PPP6C: variants seen among roughly 807,000 people sequenced by gnomAD.
PPP6C encodes the protein protein phosphatase 6 catalytic subunit.
Under a neutral mutation model 39.8 loss-of-function variants are expected in PPP6C, and 11 were observed. That is an observed-to-expected ratio of 0.28 (90% CI 0.17 to 0.46). The LOEUF (loss-of-function observed/expected upper bound fraction) is 0.46. Ranked by LOEUF, PPP6C falls within the 20% of genes least tolerant of loss-of-function variation. The pLI is 1.00. For synonymous variants in PPP6C, 129 were observed against 130.3 expected, an observed-to-expected ratio of 0.99 and a Z score of 0.07; for missense variants, 211 against 373.9, an observed-to-expected ratio of 0.56 and a Z score of 3.59.
intron 5 of PPP6C, 50 bp downstream of exon 5, chr9:125,153,856 A>C (rs371556715): frequency 3.0e-5 from 46 of 1,533,278 alleles, no homozygotes; most frequent in Non-Finnish European, 4.0e-5. Flanking sequence ...AAAAATATGC[A>C]ATGTGTTATT....
At chr9:125,167,838 G>A (rs944218079) in intron 2 of PPP6C, among the ~76,000 whole-genome samples, 4 of 136,938 alleles carry the variant, frequency 2.9e-5, no homozygotes, top group South Asian at 2.6e-4. Context: ...ATGGGGGGGG[G>A]GGGGGGGGGT....
intron 1 of PPP6C, among the ~76,000 whole-genome samples, chr9:125,186,612 T>C (rs929810587): frequency 2.0e-5 from 3 of 151,670 alleles, no homozygotes; most frequent in Non-Finnish European, 4.4e-5. Context: ...TAGCTGGTCA[T>C]GGGGGCATGT....
intron 6 of PPP6C, among the ~76,000 whole-genome samples, chr9:125,152,887 G>A (rs976849553): frequency 1.3e-5 from 2 of 149,752 alleles, no homozygotes; most frequent in Non-Finnish European, 3.0e-5. Flanking sequence ...TAAAGTGTCT[G>A]TATCTGTGTG....
At chr9:125,150,018 G>A in intron 6 of PPP6C, 97 bp from the exon 7 acceptor site, 1 of 1,415,216 alleles carries the variant, frequency 7.1e-7, no homozygotes, top group South Asian at 1.4e-5. Context: ...TACTACTAAA[G>A]GCATCAAGAT....
intron 1 of PPP6C, among the ~76,000 whole-genome samples, chr9:125,174,320 G>A (rs1447212339): frequency 2.0e-5 from 3 of 152,048 alleles, no homozygotes; most frequent in Non-Finnish European, 4.4e-5. Flanking sequence ...GGAGTGGGAG[G>A]GGGGAAAAAA....
Position 125,148,939 on chromosome 9 carries a change from A to G in PPP6C, c.*734T>C, listed in dbSNP as rs1564143833. ...AGAACTCTGATTAGGAAAAAAGAAAAGATAACTTTACGCTAACAATGTAAG... is the reference window on the plus strand; with the variant it reads ...AGAACTCTGATTAGGAAAAAAGAAAGGATAACTTTACGCTAACAATGTAAG... On this transcript the variant is annotated 3_prime_UTR_variant, in exon 7 of 7. Coordinates refer to ENST00000373547, the MANE Select transcript of PPP6C (RefSeq NM_002721.5). The G allele has an allele frequency of 1.3e-5, 2 of 152,072 alleles. No homozygotes were observed. Among genetic ancestry groups the G allele is most frequent in the Non-Finnish European group, 2.9e-5 (2 of 68,034 alleles). 9.4% of individuals were successfully genotyped at this position (152,072 alleles called of 1,614,324 possible). A position where few individuals can be genotyped will look rare whatever the true frequency, so the allele number is the denominator to read the frequency against.
At chr9:125,188,818 A>AATAATAATAAT (rs535765750) in intron 1 of PPP6C, 28 of 423,804 alleles carry the variant, frequency 6.6e-5, no homozygotes, top group Middle Eastern at 8.1e-4. Flanking sequence ...TAATAATAAT[A>AATAATAATAAT]ATTAAAAAGT....
At chr9:125,186,934 C>CT (rs1829542394) in intron 1 of PPP6C, among the ~76,000 whole-genome samples, 1 of 104,202 alleles carries the variant, frequency 9.6e-6, no homozygotes, top group African/African-American at 3.8e-5. Context: ...ACAGATTTTT[C>CT]TTTCTTTTTT....
At chr9:125,159,396 G>A (rs2131308541) in intron 3 of PPP6C, among the ~76,000 whole-genome samples, 1 of 148,452 alleles carries the variant, frequency 6.7e-6, no homozygotes, top group South Asian at 2.1e-4. Flanking sequence ...TTTTAGAGAT[G>A]GGGTCTCACT....
intron 6 of PPP6C, chr9:125,151,517 A>G (rs1409149657): frequency 1.0e-5 from 8 of 797,404 alleles, no homozygotes; most frequent in Non-Finnish European, 1.8e-5. Flanking sequence ...CATCTCTATG[A>G]GCCTTGCAGA....
intron 1 of PPP6C, among the ~76,000 whole-genome samples, chr9:125,173,359 T>C (rs866721728): frequency 7.0e-6 from 1 of 142,816 alleles, no homozygotes; most frequent in Admixed American, 7.4e-5. Context: ...TGAGCCGAGA[T>C]TGCACCCATT....
intron 3 of PPP6C, among the ~76,000 whole-genome samples, chr9:125,159,054 T>TC (rs1164560914): frequency 2.7e-5 from 4 of 150,736 alleles, no homozygotes; most frequent in Non-Finnish European, 5.9e-5. Context: ...TTTTTTTTTT[T>TC]TTAGATGGAG....
chr9:125,150,376 G>A (rs2131294497), intron 6 of PPP6C, among the ~76,000 whole-genome samples: 1 of 151,834 alleles, frequency 6.6e-6, no homozygotes, highest in South Asian at 2.1e-4. Context: ...TCAGAATCTA[G>A]TTTTTTGACT....
At chr9:125,159,714 T>C (rs1299657409) in intron 3 of PPP6C, among the ~76,000 whole-genome samples, 1 of 152,096 alleles carries the variant, frequency 6.6e-6, no homozygotes, top group Non-Finnish European at 1.5e-5. Flanking sequence ...GGAAAACAGC[T>C]GAAAGAATAG....
intron 2 of PPP6C, among the ~76,000 whole-genome samples, chr9:125,163,826 T>C (rs1244728802): frequency 1.3e-5 from 2 of 152,110 alleles, no homozygotes; most frequent in African/African-American, 2.4e-5. Context: ...TAGGTTCCCA[T>C]TTCCCGAGAA....
intron 1 of PPP6C, among the ~76,000 whole-genome samples, chr9:125,185,543 A>C (rs1435456180): frequency 4.6e-5 from 7 of 151,298 alleles, no homozygotes; most frequent in Admixed American, 4.6e-4. Context: ...AAAATACAAA[A>C]ATTAGCCAGG....
At chr9:125,187,148 T>C (rs568846844) in intron 1 of PPP6C, among the ~76,000 whole-genome samples, 4 of 151,652 alleles carry the variant, frequency 2.6e-5, no homozygotes, top group South Asian at 4.2e-4. Context: ...GGTTTCACCA[T>C]GTTGGCCAGG....
At chr9:125,183,001 T>A (rs983585255) in intron 1 of PPP6C, among the ~76,000 whole-genome samples, 1 of 152,136 alleles carries the variant, frequency 6.6e-6, no homozygotes, top group South Asian at 2.1e-4. Context: ...TCTCAATGTC[T>A]TAGCTTGGCA....
At chr9:125,158,197 G>C in intron 4 of PPP6C, 44 bp downstream of exon 4, 1 of 1,540,352 alleles carries the variant, frequency 6.5e-7, no homozygotes, top group Non-Finnish European at 8.9e-7. Flanking sequence ...TTCCAAAGAG[G>C]AAAGTAAAAT....
Sources: allele counts gnomAD v4.1 joint callset (sites outside exome capture counted in the v4.1 genomes callset), GRCh38; gene constraint gnomAD v4.1.1; transcripts MANE v1.5; gene names NCBI Gene and HGNC (gene_info 2026-07-23, HGNC 2026-07-21).